PKNOX2: variants seen among roughly 807,000 people sequenced by gnomAD.
PKNOX2 encodes PBX/knotted 1 homeobox 2.
PKNOX2 carries 14 observed loss-of-function variants against 53.1 expected under a neutral mutation model. That is an observed-to-expected ratio of 0.26 (90% CI 0.17 to 0.41). The LOEUF (loss-of-function observed/expected upper bound fraction) is 0.41, where lower values mean the gene tolerates loss of function less well. PKNOX2 is among the 10% of genes least tolerant of loss of function. The pLI, the probability that PKNOX2 is intolerant of heterozygous loss-of-function variation, is 1.00. For synonymous variants in PKNOX2, 257 were observed against 242.8 expected, an observed-to-expected ratio of 1.06 and a Z score of -0.54; for missense variants, 496 against 602.8, an observed-to-expected ratio of 0.82 and a Z score of 1.85.
intron 2 of PKNOX2, among the ~76,000 whole-genome samples, chr11:125,255,473 C>A (rs1944341925): frequency 1.3e-5 from 2 of 152,188 alleles, no homozygotes; most frequent in Non-Finnish European, 2.9e-5. Context: ...GCAACCTGGG[C>A]ATTTTGTTCC....
At chr11:125,217,806 G>A (rs928461559) in intron 1 of PKNOX2, among the ~76,000 whole-genome samples, 7 of 152,120 alleles carry the variant, frequency 4.6e-5, no homozygotes, top group South Asian at 2.1e-4. Flanking sequence ...AGATAATTAC[G>A]CTTGTTTCAT....
At chr11:125,178,700 A>AAGAC (rs1268376873) in intron 1 of PKNOX2, among the ~76,000 whole-genome samples, 1 of 133,644 alleles carries the variant, frequency 7.5e-6, no homozygotes, top group African/African-American at 2.8e-5. Flanking sequence ...GAGAGAGAGA[A>AAGAC]AGAAAGAAAG....
intron 2 of PKNOX2, among the ~76,000 whole-genome samples, chr11:125,318,198 C>T (rs1949318833): frequency 6.6e-6 from 1 of 152,162 alleles, no homozygotes; most frequent in Non-Finnish European, 1.5e-5. Context: ...CTTCTGCCCC[C>T]TGGGTTCAAG....
At chr11:125,408,139 C>T (rs901018335) in intron 7 of PKNOX2, among the ~76,000 whole-genome samples, 3 of 152,190 alleles carry the variant, frequency 2.0e-5, no homozygotes, top group East Asian at 3.8e-4. Context: ...TGTTCTAGTC[C>T]TCTGGCTGCT....
At chr11:125,168,839 A>T (rs1955076422) in intron 1 of PKNOX2, among the ~76,000 whole-genome samples, 2 of 152,224 alleles carry the variant, frequency 1.3e-5, no homozygotes, top group Admixed American at 6.5e-5. Flanking sequence ...TTAGCAATTG[A>T]ATTTGTTTTT....
intron 2 of PKNOX2, among the ~76,000 whole-genome samples, chr11:125,265,037 C>G (rs1945203380): frequency 6.6e-6 from 1 of 152,090 alleles, no homozygotes; most frequent in Non-Finnish European, 1.5e-5. Flanking sequence ...GCCTGTAATC[C>G]CAGCACTCTG....
chr11:125,412,983 A>G (rs1157668388), intron 10 of PKNOX2, among the ~76,000 whole-genome samples: 2 of 152,114 alleles, frequency 1.3e-5, no homozygotes, highest in Admixed American at 1.3e-4. Flanking sequence ...GGGGGCTCTG[A>G]TTGGGAAGTG....
At chr11:125,341,286 G>A (rs1312061856) in intron 3 of PKNOX2, among the ~76,000 whole-genome samples, 2 of 151,608 alleles carry the variant, frequency 1.3e-5, no homozygotes, top group Non-Finnish European at 2.9e-5. Flanking sequence ...AACCCGGGAG[G>A]CAGAGGTTGC....
chr11:125,419,883 T>TA (rs377369369), intron 10 of PKNOX2, among the ~76,000 whole-genome samples: 6,767 of 99,462 alleles, frequency 0.068, 245 homozygotes, highest in African/African-American at 0.12. Flanking sequence ...AAGAAAAAAT[T>TA]AAAAAAAAAA....
rs1954908267 is a variant in PKNOX2 at position 125,403,889 on chromosome 11, C to A, written c.588+5827C>A. ...TGCTAGGCCCAGCTGCCAGATGCGA[C>A]TCTGCAGCTCTGCGCCTCCCCAGCA... On this transcript the variant is annotated intron_variant, in intron 7 of 12. Coordinates refer to ENST00000298282, the MANE Select transcript of PKNOX2 (RefSeq NM_001382323.2). Among the ~76,000 whole-genome samples, 3 of 152,332 alleles carry A rather than the reference C, an allele frequency of 2.0e-5. No homozygotes were observed. The South Asian group carries it at 6.2e-4, about 32-fold the overall frequency.
At chr11:125,333,276 C>T (rs958275164) in intron 3 of PKNOX2, among the ~76,000 whole-genome samples, 2 of 152,156 alleles carry the variant, frequency 1.3e-5, no homozygotes, top group African/African-American at 4.8e-5. Context: ...AGAACTGAGG[C>T]TCTTCCTGCT....
intron 5 of PKNOX2, among the ~76,000 whole-genome samples, chr11:125,377,221 G>A (rs1434603874): frequency 6.6e-6 from 1 of 152,168 alleles, no homozygotes; most frequent in Non-Finnish European, 1.5e-5. Flanking sequence ...AATGAAAGAG[G>A]ACACTGAGGC....
chr11:125,280,844 A>C (rs1946510613), intron 2 of PKNOX2, among the ~76,000 whole-genome samples: 1 of 152,118 alleles, frequency 6.6e-6, no homozygotes, highest in African/African-American at 2.4e-5. Context: ...AGGGTGATGG[A>C]CATCTGTGGC....
Position 125,173,477 on chromosome 11 carries a change from C to T in PKNOX2, c.-201+8701C>T, listed in dbSNP as rs1955472996. Among the ~76,000 whole-genome samples, 5 of 152,180 alleles carry T rather than the reference C, an allele frequency of 3.3e-5. No individual in the cohort carries two copies. In the South Asian group the frequency reaches 1.0e-3, roughly 32 times the overall value. ...TTTAGCCTTCTGGAGACAACACAAG[C>T]CATTCCTGAGCTCTACCTAGTCCTC... is the stretch of plus-strand genomic sequence containing the variant. On this transcript the variant is annotated intron_variant, in intron 1 of 12. Coordinates refer to ENST00000298282, the MANE Select transcript of PKNOX2 (RefSeq NM_001382323.2).
chr11:125,238,329 G>A (rs1273553292), intron 2 of PKNOX2, among the ~76,000 whole-genome samples: 2 of 152,162 alleles, frequency 1.3e-5, no homozygotes. Context: ...GAAGAGTCTT[G>A]GATTCTTCCA....
chr11:125,288,485 C>G (rs1947065489), intron 2 of PKNOX2, among the ~76,000 whole-genome samples: 1 of 152,216 alleles, frequency 6.6e-6, no homozygotes, highest in Non-Finnish European at 1.5e-5. Flanking sequence ...AACTGAAGAC[C>G]CTGTCTCCAG....
At chr11:125,338,637 C>T (rs76159918) in intron 3 of PKNOX2, among the ~76,000 whole-genome samples, 3,546 of 152,304 alleles carry the variant, frequency 0.023, 138 homozygotes, top group African/African-American at 0.079. Context: ...TTTCCCTGGA[C>T]AGGCTTGACC....
At chr11:125,312,012 G>C (rs977521859) in intron 2 of PKNOX2, among the ~76,000 whole-genome samples, 7 of 151,712 alleles carry the variant, frequency 4.6e-5, no homozygotes, top group Admixed American at 1.3e-4. Context: ...CAAAGAAGAA[G>C]AAAAAAAAGT....
chr11:125,410,493 C>A, intron 8 of PKNOX2, 168 bp downstream of exon 8: 1 of 993,990 alleles, frequency 1.0e-6, no homozygotes, highest in Middle Eastern at 3.3e-4. Context: ...GCGCCAAGAC[C>A]CAATTGTGAT....
Sources: allele counts gnomAD v4.1 joint callset (sites outside exome capture counted in the v4.1 genomes callset), GRCh38; gene constraint gnomAD v4.1.1; transcripts MANE v1.5; gene names NCBI Gene and HGNC (gene_info 2026-07-23, HGNC 2026-07-21).